Variants in HAUS1 observed in about 807,000 individuals in gnomAD.
The protein encoded by HAUS1 is HAUS augmin-like complex subunit 1.
HAUS1 carries 25 observed loss-of-function variants against 38.6 expected under a neutral mutation model. The ratio of observed to expected loss-of-function variants is 0.65; its 90% confidence interval spans 0.47 to 0.91. The LOEUF (loss-of-function observed/expected upper bound fraction) is 0.91, where lower values mean the gene tolerates loss of function less well. Among genes scored for constraint, HAUS1 ranks in the 40% least tolerant of loss-of-function variants. The pLI is 0.00. For missense variants in HAUS1, 325 were observed against 328.4 expected (o/e 0.99, Z 0.08); for synonymous variants, 109 against 112.9 (o/e 0.97, Z 0.22).
chr18:46,110,337 T>G (rs1347847240), intron 2 of HAUS1, among the ~76,000 whole-genome samples: 2 of 116,656 alleles, frequency 1.7e-5, no homozygotes, highest in Non-Finnish European at 1.8e-5. Flanking sequence ...TTTAAGGTTT[T>G]TTTTTTTTTT....
In HAUS1 at chr18:46,120,026, A is replaced by T. The variant is rs751208452; in HGVS notation, c.442A>T (p.Thr148Ser). The change falls in exon 4 of 9, where the codon ACT (threonine) becomes TCT (serine). Residue 148 changes from threonine (T) to serine (S), a missense_variant. By Grantham distance (58) the Thr-to-Ser change is moderately conservative. Coordinates refer to ENST00000282058, the MANE Select transcript of HAUS1 (RefSeq NM_138443.4). ...ACTGGAAAAACTTGAAAAAAATTTA[A>T]CTGCAACTTTAGTATTAGAAAAATG... ...IELEKLEKNL[T>S]ATLVLEKCLQ... 9 of 1,606,432 alleles carry T rather than the reference A, an allele frequency of 5.6e-6. No homozygotes were observed. The highest frequency in any genetic ancestry group is 4.0e-5 in the African/African-American group (3 of 74,690).
chr18:46,117,669 G>T lies in HAUS1; in HGVS notation c.206-512G>T, dbSNP rs777144437. The stretch of plus-strand genomic sequence containing the variant: ...GTCTCTATAAGAAAAAATAAACCGG[G>T]GGCAGTGGCTTACGCTTGTAATTCC... On this transcript the variant is annotated intron_variant, in intron 2 of 8. Coordinates refer to ENST00000282058, the MANE Select transcript of HAUS1 (RefSeq NM_138443.4). 3.3e-5 allele frequency among the ~76,000 whole-genome samples: 5 copies of T among 152,052 alleles called. No individual in the cohort carries two copies. The South Asian group carries it at 8.3e-4, about 25-fold the overall frequency.
Position 46,123,062 on chromosome 18 carries a change from T to C in HAUS1, c.601-237T>C, listed in dbSNP as rs190809322. 370 of 414,326 alleles carry C rather than the reference T, an allele frequency of 8.9e-4. 1 individual carries two copies. Among genetic ancestry groups the C allele is most frequent in the Non-Finnish European group, 3.7e-4 (84 of 227,072 alleles). The allele number at this position is 414,326 out of a possible 1,614,324, so 25.7% of individuals were successfully genotyped here. ...CCGTCTCTACTAAAAATATAAAAAA[T>C]TAGCCGGGCGTGGTGGTGGGCGCCT... On this transcript the variant is annotated intron_variant, in intron 5 of 8. Transcript: ENST00000282058.
At chr18:46,120,347 G>A (rs1332303562) in intron 4 of HAUS1, among the ~76,000 whole-genome samples, 2 of 151,462 alleles carry the variant, frequency 1.3e-5, no homozygotes, top group Non-Finnish European at 1.5e-5. Context: ...CAATTCTCCC[G>A]CCTCAGCCTC....
At chr18:46,110,854 GTTTT>G (rs751699266) in intron 2 of HAUS1, among the ~76,000 whole-genome samples, 1 of 139,502 alleles carries the variant, frequency 7.2e-6, no homozygotes, top group African/African-American at 2.6e-5. Flanking sequence ...GTAACAGGTA[GTTTT>G]TTTTTTCTCT....
intron 2 of HAUS1, among the ~76,000 whole-genome samples, chr18:46,111,311 T>C (rs1002752009): frequency 3.3e-5 from 5 of 152,134 alleles, no homozygotes; most frequent in Middle Eastern, 3.4e-3. Flanking sequence ...TTCAGCATTG[T>C]TTCTTGTTAT....
chr18:46,105,548 GTA>G (rs1453402353), intron 2 of HAUS1, 180 bp downstream of exon 2: 454 of 351,174 alleles, frequency 1.3e-3, no homozygotes, highest in African/African-American at 0.011. Flanking sequence ...ATATGTATAT[GTA>G]TGTGTGTGTG....
At chr18:46,125,332 C>T (rs1431238137) in intron 7 of HAUS1, among the ~76,000 whole-genome samples, 3 of 151,016 alleles carry the variant, frequency 2.0e-5, no homozygotes, top group South Asian at 2.1e-4. Flanking sequence ...GGGCAGATCA[C>T]GAGGTCAGGA....
chr18:46,124,860 G>GA lies in HAUS1; in HGVS notation c.711dup (p.Leu238IlefsTer19). ...TAAAGCAACAGACTATACCTTTGAA[G>GA]AAAAAATTGGAGTCCTATTTAGACT... On this transcript the variant is annotated frameshift_variant, in exon 7 of 9. Coordinates refer to ENST00000282058, the MANE Select transcript of HAUS1 (RefSeq NM_138443.4). LOFTEE classifies it high-confidence loss of function. The GA allele has an allele frequency of 1.9e-6, 3 of 1,604,308 alleles. No individual in the cohort carries two copies. Among genetic ancestry groups the GA allele is most frequent in the South Asian group, 1.1e-5 (1 of 90,296 alleles).
intron 2 of HAUS1, among the ~76,000 whole-genome samples, chr18:46,111,142 A>G (rs910521655): frequency 2.6e-5 from 4 of 152,096 alleles, no homozygotes; most frequent in African/African-American, 9.7e-5. Context: ...TGCTGGGATT[A>G]CAGGCATAAG....
At chr18:46,127,323 A>G (rs928251716) in intron 8 of HAUS1, among the ~76,000 whole-genome samples, 2 of 152,030 alleles carry the variant, frequency 1.3e-5, no homozygotes, top group Non-Finnish European at 2.9e-5. Flanking sequence ...TTCTGTAGCC[A>G]CTGTTGAGGG....
rs546704664 is a variant in HAUS1 at position 46,123,038 on chromosome 18, C to T, written c.601-261C>T. The T allele has an allele frequency of 1.8e-4, 69 of 378,928 alleles. 1 individual carries two copies. Among genetic ancestry groups the T allele is most frequent in the African/African-American group, 1.9e-4 (9 of 47,906 alleles). The allele number at this position is 378,928 out of a possible 1,614,324, so 23.5% of individuals were successfully genotyped here. On this transcript the variant is annotated intron_variant, in intron 5 of 8. Coordinates refer to ENST00000282058, the MANE Select transcript of HAUS1 (RefSeq NM_138443.4). Reference sequence around the variant, plus strand: ...CATCCTGACTAACACAGTGAAACCCCGTCTCTACTAAAAATATAAAAAATT... The same window carrying T: ...CATCCTGACTAACACAGTGAAACCCTGTCTCTACTAAAAATATAAAAAATT...
intron 2 of HAUS1, among the ~76,000 whole-genome samples, chr18:46,113,137 C>T (rs886478361): frequency 3.5e-5 from 5 of 140,940 alleles, no homozygotes; most frequent in South Asian, 2.3e-4. Flanking sequence ...GGAGCAGTGG[C>T]GGAATCTCAG....
Position 46,118,336 on chromosome 18 carries a change from T to C in HAUS1, c.341+20T>C. ...AGCTAGGTAATTCTTATGACAGTTT[T>C]AATTTCCGCAATCATATCTGCTATA... is the stretch of plus-strand genomic sequence containing the variant. On this transcript the variant is annotated intron_variant, in intron 3 of 8. Transcript: ENST00000282058. 6.2e-7 allele frequency: 1 copy of C among 1,612,064 alleles called. No individual in the cohort carries two copies. The highest frequency in any genetic ancestry group is 8.5e-7 in the Non-Finnish European group (1 of 1,178,684).
chr18:46,123,286 T>C lies in HAUS1; in HGVS notation c.601-13T>C, dbSNP rs199705963. ...TAATTTTTTAACTGAACTCCTTTTT[T>C]TGGTAATTGTAGGAGCAACTTTCAG... is the stretch of plus-strand genomic sequence containing the variant. On this transcript the variant is annotated splice_polypyrimidine_tract_variant and intron_variant, in intron 5 of 8. Coordinates refer to ENST00000282058, the MANE Select transcript of HAUS1 (RefSeq NM_138443.4). The C allele has an allele frequency of 8.8e-6, 14 of 1,586,152 alleles. No homozygotes were observed. In the Admixed American group the frequency reaches 1.8e-4, roughly 20 times the overall value.
chr18:46,108,362 C>T (rs1911530885), intron 2 of HAUS1, among the ~76,000 whole-genome samples: 1 of 149,430 alleles, frequency 6.7e-6, no homozygotes, highest in Non-Finnish European at 1.5e-5. Flanking sequence ...GTTGCTCAGG[C>T]TGGCCTTAAA....
chr18:46,118,791 G>A (rs964101806), intron 3 of HAUS1, among the ~76,000 whole-genome samples: 1 of 152,186 alleles, frequency 6.6e-6, no homozygotes, highest in African/African-American at 2.4e-5. Flanking sequence ...TGGCAGAGCT[G>A]AGATTCAAAA....
chr18:46,108,352 G>C (rs1911530659), intron 2 of HAUS1, among the ~76,000 whole-genome samples: 1 of 143,054 alleles, frequency 7.0e-6, no homozygotes, highest in African/African-American at 2.6e-5. Context: ...GTTTCACCGT[G>C]TTGCTCAGGC....
chr18:46,119,940 T>C lies in HAUS1; in HGVS notation c.356T>C (p.Val119Ala). The C allele has an allele frequency of 1.9e-6, 3 of 1,602,328 alleles. No individual in the cohort carries two copies. Among genetic ancestry groups the C allele is most frequent in the Non-Finnish European group, 2.5e-6 (3 of 1,176,630 alleles). The change falls in exon 4 of 9, where the codon GTG becomes GCG. Residue 119 changes from valine to alanine, a missense_variant. By Grantham distance (64) the Val-to-Ala change is moderately conservative. Transcript: ENST00000282058. ...DTSLASFIPA[V>A]NDLTSDLFRT... Reference sequence around the variant, plus strand: ...TCTTCTTTTAGTTTTATCCCTGCAGTGAATGATTTGACCTCTGATCTCTTT... The same window carrying C: ...TCTTCTTTTAGTTTTATCCCTGCAGCGAATGATTTGACCTCTGATCTCTTT...
Sources: allele counts gnomAD v4.1 joint callset (sites outside exome capture counted in the v4.1 genomes callset), GRCh38; gene constraint gnomAD v4.1.1; transcripts MANE v1.5; gene names NCBI Gene and HGNC (gene_info 2026-07-23, HGNC 2026-07-21).